The following DDC variants were observed in gnomAD, a reference collection of about 807,000 sequenced individuals.
The protein encoded by DDC is dopa decarboxylase, also known as aromatic-L-amino-acid decarboxylase.
In DDC, 43 loss-of-function variants were observed where a neutral mutation model predicts 60.0. That is an observed-to-expected ratio of 0.72 (90% confidence interval 0.56 to 0.92). The LOEUF (loss-of-function observed/expected upper bound fraction) is 0.92, where lower values mean the gene tolerates loss of function less well. DDC is among the 40% of genes least tolerant of loss of function. The pLI is 0.00. For synonymous variants in DDC, 232 were observed against 234.6 expected, an observed-to-expected ratio of 0.99 and a Z score of 0.10; for missense variants, 573 against 620.2, an observed-to-expected ratio of 0.92 and a Z score of 0.81.
intron 9 of DDC, among the ~76,000 whole-genome samples, chr7:50,484,791 C>G (rs1017407947): frequency 6.6e-6 from 1 of 152,028 alleles, no homozygotes; most frequent in African/African-American, 2.4e-5. Flanking sequence ...GGAAAAGGAC[C>G]CTTGTGTTGG....
At chr7:50,502,952 T>G (rs897352627) in intron 7 of DDC, among the ~76,000 whole-genome samples, 2 of 152,208 alleles carry the variant, frequency 1.3e-5, no homozygotes, top group African/African-American at 2.4e-5. Flanking sequence ...ACCAATTTCA[T>G]GTCTAGCTCA....
Position 50,540,055 on chromosome 7 carries a change from G to A in DDC, c.202-27C>T, listed in dbSNP as rs184592700. 5,460 of 1,572,238 alleles carry A rather than the reference G, an allele frequency of 3.5e-3. 15 individuals are homozygous for A. The highest frequency in any genetic ancestry group is 4.5e-3 in the Non-Finnish European group (5,143 of 1,146,330). ...TGCATGGGAGGACAGAGCAGCTGCT[G>A]AGGAGTGAGGAAAGCCAGGCCTCAA... On this transcript the variant is annotated intron_variant, in intron 2 of 14. Transcript: ENST00000444124.
In DDC at chr7:50,518,019, C is replaced by T. The variant is rs547688805; in HGVS notation, c.714+10118G>A. On this transcript the variant is annotated intron_variant, in intron 6 of 14. Coordinates refer to ENST00000444124, the MANE Select transcript of DDC (RefSeq NM_001082971.2). Reference sequence around the variant, plus strand: ...GTTCAGGAGATCAAGAAGATGCTGGCGAACATGGTGAAACCCCATCTCTAC... The same window carrying T: ...GTTCAGGAGATCAAGAAGATGCTGGTGAACATGGTGAAACCCCATCTCTAC... Among the ~76,000 whole-genome samples the T allele has an allele frequency of 2.0e-4, 30 of 151,692 alleles. 1 individual carries two copies. In the East Asian group the frequency reaches 2.9e-3, roughly 15 times the overall value.
chr7:50,528,381 T>A, intron 5 of DDC, 101 bp from the exon 6 acceptor site: 1 of 1,485,948 alleles, frequency 6.7e-7, no homozygotes, highest in Non-Finnish European at 9.4e-7. Context: ...AAACACAAGG[T>A]CCCTCTTAAC....
chr7:50,510,226 T>A lies in DDC; in HGVS notation c.715-6167A>T, dbSNP rs534695935. 2.6e-4 allele frequency among the ~76,000 whole-genome samples: 40 copies of A among 152,150 alleles called. 1 individual carries two copies. The highest frequency in any genetic ancestry group is 9.4e-4 in the African/African-American group (39 of 41,516). On this transcript the variant is annotated intron_variant, in intron 6 of 14. Transcript: ENST00000444124. ...TCCTGACCTCATGATCCGCCCACCT[T>A]GGCCTCCCAAAGTGCTGAGATTACA...
At chr7:50,545,423 AC>A (rs1343891043) in intron 1 of DDC, among the ~76,000 whole-genome samples, 3 of 152,226 alleles carry the variant, frequency 2.0e-5, no homozygotes, top group Admixed American at 6.5e-5. Context: ...AAATCCCACA[AC>A]CCAAAATTCT....
At chr7:50,485,080 C>T (rs2042853763) in intron 9 of DDC, among the ~76,000 whole-genome samples, 1 of 152,026 alleles carries the variant, frequency 6.6e-6, no homozygotes, top group Non-Finnish European at 1.5e-5. Context: ...CCTCCCAATG[C>T]AACAGAAGTG....
At chr7:50,506,260 G>T (rs2043392523) in intron 6 of DDC, among the ~76,000 whole-genome samples, 1 of 152,170 alleles carries the variant, frequency 6.6e-6, no homozygotes, top group Admixed American at 6.5e-5. Context: ...GGAGATGCTG[G>T]GGTAGGAGCT....
rs1334572721 is a variant in DDC at position 50,462,718 on chromosome 7, G to GTATCATTC, written c.*18+487_*18+494dup. Among the ~76,000 whole-genome samples, 5 of 148,120 alleles carry GTATCATTC rather than the reference G, an allele frequency of 3.4e-5. No homozygotes were observed. The East Asian group carries it at 9.8e-4, about 29-fold the overall frequency. Reference sequence around the variant, plus strand: ...TAAGTTTTAAAAGAATTATTACAATGTATCATTCCTTCTACTTCTCCAGAA... The same window carrying GTATCATTC: ...TAAGTTTTAAAAGAATTATTACAATGTATCATTCTATCATTCCTTCTACTTCTCCAGAA... On this transcript the variant is annotated intron_variant, in intron 14 of 14. Coordinates refer to ENST00000444124, the MANE Select transcript of DDC (RefSeq NM_001082971.2).
At chr7:50,492,900 G>C (rs373987266) in intron 9 of DDC, 53 of 1,594,666 alleles carry the variant, frequency 3.3e-5, no homozygotes, top group East Asian at 2.9e-4. Flanking sequence ...CGGGGCATCA[G>C]CTCTGCGGCA....
At chr7:50,496,033 C>A in intron 8 of DDC, among the ~76,000 whole-genome samples, 1 of 151,804 alleles carries the variant, frequency 6.6e-6, no homozygotes, top group East Asian at 1.9e-4. Context: ...TTGATGGGTT[C>A]TTTTGCCAGC....
At chr7:50,495,139 T>C (rs1318819176) in intron 9 of DDC, among the ~76,000 whole-genome samples, 1 of 152,242 alleles carries the variant, frequency 6.6e-6, no homozygotes, top group Non-Finnish European at 1.5e-5. Context: ...AGGCTTCTCA[T>C]TTCTTATGCC....
chr7:50,523,885 T>G (rs10271341), intron 6 of DDC, among the ~76,000 whole-genome samples: 33,434 of 152,124 alleles, frequency 0.22, 3,814 homozygotes, highest in East Asian at 0.4. Flanking sequence ...TTATAGCACT[T>G]CATTAATAAC....
chr7:50,564,804 G>T (rs1212820277), intron 1 of DDC, among the ~76,000 whole-genome samples: 1 of 152,106 alleles, frequency 6.6e-6, no homozygotes. Context: ...TACACCAAAA[G>T]GAGAGAGCCC....
chr7:50,526,162 C>A (rs1192195115), intron 6 of DDC, among the ~76,000 whole-genome samples: 2 of 152,086 alleles, frequency 1.3e-5, no homozygotes, highest in Non-Finnish European at 2.9e-5. Flanking sequence ...AGACAAAAAG[C>A]AAGCAGCACC....
intron 1 of DDC, among the ~76,000 whole-genome samples, chr7:50,560,015 C>T (rs1031258360): frequency 1.7e-4 from 26 of 152,174 alleles, no homozygotes; most frequent in African/African-American, 6.3e-4. Context: ...CTGAGAATGG[C>T]TTGATTTTGT....
At chr7:50,563,963 T>C (rs2045387594) in intron 1 of DDC, 7 of 152,220 alleles carry the variant, frequency 4.6e-5, no homozygotes, top group Admixed American at 3.9e-4. Context: ...CTTGTTAAAA[T>C]GTGAAAACTC....
chr7:50,552,833 C>A (rs1486376448), intron 1 of DDC, among the ~76,000 whole-genome samples: 1 of 152,192 alleles, frequency 6.6e-6, no homozygotes, highest in Non-Finnish European at 1.5e-5. Context: ...ATTCAAATCA[C>A]CAGCCCCTCA....
At chr7:50,524,576 T>C (rs2043988984) in intron 6 of DDC, among the ~76,000 whole-genome samples, 1 of 152,192 alleles carries the variant, frequency 6.6e-6, no homozygotes, top group Admixed American at 6.5e-5. Context: ...GAAAAGATGT[T>C]CATTAGTTAT....
Sources: gnomAD v4.1 joint callset for allele counts (sites outside exome capture counted in the v4.1 genomes callset) on GRCh38, gnomAD v4.1.1 for gene constraint, MANE v1.5 for transcripts, NCBI Gene and HGNC (gene_info 2026-07-23, HGNC 2026-07-21) for gene names.